Variants in ZIK1 observed in about 807,000 individuals in gnomAD.
ZIK1 encodes the protein zinc finger protein interacting with ribonucleoprotein K.
In ZIK1, 12 loss-of-function variants were observed where a neutral mutation model predicts 10.7. The observed-to-expected ratio is 1.12, with a 90% CI of 0.72 to 1.81. The LOEUF is 1.81. Ranked by LOEUF, ZIK1 falls within the 40% of genes most tolerant of loss-of-function variation. The probability of loss-of-function intolerance (pLI) is 0.00; values close to 1 mark genes in which losing one functional copy is unlikely to be tolerated. For missense variants in ZIK1, 497 were observed against 585.7 expected (o/e 0.85, Z 1.56); for synonymous variants, 190 against 205.0 (o/e 0.93, Z 0.63).
chr19:57,584,162 CA>C lies in ZIK1; in HGVS notation c.-194del. ...ATCACTTCAGTGGCGGTCATTTTTG[CA>C]GCGCTTGGGTGCATCCAGACCGTCA... On this transcript the variant is annotated 5_prime_UTR_variant, in exon 1 of 4. Coordinates refer to ENST00000597850, the MANE Select transcript of ZIK1 (RefSeq NM_001010879.4). The C allele has an allele frequency of 9.2e-7, 1 of 1,084,586 alleles. No individual in the cohort carries two copies. 67.2% of individuals were successfully genotyped at this position (1,084,586 alleles called of 1,614,324 possible). A position where few individuals can be genotyped will look rare whatever the true frequency, so the allele number is the denominator to read the frequency against.
At position 57,591,302 on chromosome 19, in the gene ZIK1, A is replaced by C; in HGVS notation, c.*27A>C. The C allele has an allele frequency of 1.3e-6, 2 of 1,570,446 alleles. No homozygotes were observed. Among genetic ancestry groups the C allele is most frequent in the Non-Finnish European group, 1.7e-6 (2 of 1,158,488 alleles). On this transcript the variant is annotated 3_prime_UTR_variant, in exon 4 of 4. Coordinates refer to ENST00000597850, the MANE Select transcript of ZIK1 (RefSeq NM_001010879.4). ...GGCCTCATGAATGCAGCAAATGTGG[A>C]AGCGCCTTCAACTCAAGATCTATCA...
In ZIK1 at chr19:57,590,546, G is replaced by A. The variant is rs759487053; in HGVS notation, c.735G>A (p.Gly245=). 6.2e-7 allele frequency: 1 copy of A among 1,614,066 alleles called. No homozygotes were observed. Among genetic ancestry groups the A allele is most frequent in the Non-Finnish European group, 8.5e-7 (1 of 1,180,044 alleles). The change falls in exon 4 of 4, where the codon GGG becomes GGA. Residue 245 remains glycine (G), a synonymous_variant. Transcript: ENST00000597850. ...AGCTTTATGAGTGTAGCAAATGTGG[G>A]AAAGCCTTCCGTGGCAAGTACTCAC... The part of the protein sequence containing the change: ...GKKLYECSKC[G]KAFRGKYSLV...
rs1030446035 is a variant in ZIK1 at position 57,589,671 on chromosome 19, G to T, written c.200-340G>T. ...TCAACCTTCTGCACAGCATGCAGGT[G>T]TCACCAGCAGACAAGGTCCTCCTGA... On this transcript the variant is annotated intron_variant, in intron 3 of 3. Coordinates refer to ENST00000597850, the MANE Select transcript of ZIK1 (RefSeq NM_001010879.4). 6.1e-6 allele frequency: 6 copies of T among 985,242 alleles called. No individual in the cohort carries two copies. The African/African-American group carries it at 1.0e-4, about 17-fold the overall frequency. 61.0% of individuals were successfully genotyped at this position (985,242 alleles called of 1,614,324 possible).
intron 2 of ZIK1, among the ~76,000 whole-genome samples, chr19:57,587,872 G>A (rs981454392): frequency 2.0e-5 from 3 of 152,108 alleles, no homozygotes; most frequent in Non-Finnish European, 4.4e-5. Flanking sequence ...GAGAGTCTGT[G>A]CCACTGAGGC....
At chr19:57,588,507 G>C (rs1235472248) in intron 2 of ZIK1, 32 bp from the exon 3 acceptor site, 2 of 1,404,390 alleles carry the variant, frequency 1.4e-6, no homozygotes, top group South Asian at 3.6e-5. Context: ...TGGAGGCGTT[G>C]ATTGTGGAGT....
In ZIK1 at chr19:57,588,623, C is replaced by T; in HGVS notation, c.157C>T (p.Leu53Phe). The change falls in exon 3 of 4, where the codon CTT becomes TTT. Residue 53 changes from leucine (L) to phenylalanine (F), a missense_variant. Transcript: ENST00000597850. ...TGATGAGGCTCAGAGACTCCTGTAC[C>T]TTGAAGTGATGCTGGAGAACTTTGC... is the stretch of plus-strand genomic sequence containing the variant. ...LLDEAQRLLY[L>F]EVMLENFALV... 6.3e-7 allele frequency: 1 copy of T among 1,586,140 alleles called. No individual in the cohort carries two copies. Among genetic ancestry groups the T allele is most frequent in the Non-Finnish European group, 8.6e-7 (1 of 1,163,826 alleles).
chr19:57,585,595 T>C (rs2059234996), intron 2 of ZIK1, among the ~76,000 whole-genome samples: 1 of 152,198 alleles, frequency 6.6e-6, no homozygotes, highest in South Asian at 2.1e-4. Flanking sequence ...TTTTCAGATT[T>C]TGAGGGTAAG....
intron 2 of ZIK1, among the ~76,000 whole-genome samples, chr19:57,585,341 T>C (rs908067904): frequency 3.3e-5 from 5 of 152,046 alleles, no homozygotes; most frequent in Admixed American, 6.5e-5. Flanking sequence ...TTTCTGGAGG[T>C]GATGAGAACA....
At chr19:57,588,010 G>C (rs2123421278) in intron 2 of ZIK1, among the ~76,000 whole-genome samples, 1 of 152,264 alleles carries the variant, frequency 6.6e-6, no homozygotes, top group South Asian at 2.1e-4. Context: ...GGCTGAGGTT[G>C]AAGCAAGGAA....
chr19:57,589,486 C>T (rs1357518433), intron 3 of ZIK1: 2 of 985,304 alleles, frequency 2.0e-6, no homozygotes, highest in East Asian at 2.3e-4. Context: ...TTCTGATCTT[C>T]ATGCATCATC....
rs1221513694 is a variant in ZIK1, at chr19:57,585,374, C to T, written c.72+384C>T. Among the ~76,000 whole-genome samples the T allele has an allele frequency of 2.0e-5, 3 of 152,062 alleles. No individual in the cohort carries two copies. In the South Asian group the frequency reaches 6.2e-4, roughly 32 times the overall value. On this transcript the variant is annotated intron_variant, in intron 2 of 3. Transcript: ENST00000597850. ...ACAATGGGAGGTTTAGAGAAGAGAACGGAGGTTATCTGACACTGGTCTCAT... is the reference window on the plus strand; with the variant it reads ...ACAATGGGAGGTTTAGAGAAGAGAATGGAGGTTATCTGACACTGGTCTCAT...
chr19:57,586,298 C>T (rs1043590050), intron 2 of ZIK1, among the ~76,000 whole-genome samples: 1 of 152,028 alleles, frequency 6.6e-6, no homozygotes, highest in African/African-American at 2.4e-5. Flanking sequence ...TGTGGTGGCT[C>T]ACACCTGTAA....
rs916654073 is a variant in ZIK1 at position 57,593,275 on chromosome 19, C to T, written c.*2000C>T. The T allele has an allele frequency of 2.6e-5, 4 of 151,904 alleles. No individual in the cohort carries two copies. The highest frequency in any genetic ancestry group is 6.6e-5 in the Admixed American group (1 of 15,216). 9.4% of individuals were successfully genotyped at this position (151,904 alleles called of 1,614,324 possible). On this transcript the variant is annotated 3_prime_UTR_variant, in exon 4 of 4. Transcript: ENST00000597850. ...CAGGATGGTCTTGATCTCTTGACCTCGTGATCCGCCCGCCTCAGCCTCCCG... is the reference window on the plus strand; with the variant it reads ...CAGGATGGTCTTGATCTCTTGACCTTGTGATCCGCCCGCCTCAGCCTCCCG...
chr19:57,585,809 A>G (rs1979098259), intron 2 of ZIK1, among the ~76,000 whole-genome samples: 1 of 151,936 alleles, frequency 6.6e-6, no homozygotes, highest in South Asian at 2.1e-4. Flanking sequence ...CCCGGGTTCA[A>G]GCAATCCTCC....
At chr19:57,584,891 A>T (rs979907766) in intron 1 of ZIK1, 61 bp from the exon 2 acceptor site, 1 of 1,578,038 alleles carries the variant, frequency 6.3e-7, no homozygotes, top group Non-Finnish European at 8.6e-7. Flanking sequence ...AATCCAGGGA[A>T]GCCTGAATCC....
rs1419977879 is a variant in ZIK1 at position 57,592,776 on chromosome 19, A to C, written c.*1501A>C. Reference sequence around the variant, plus strand: ...CTTTATTGTGAAACATGTTTTACAAACTTTCTTGATGTGTAAGTGACATGC... The same window carrying C: ...CTTTATTGTGAAACATGTTTTACAACCTTTCTTGATGTGTAAGTGACATGC... On this transcript the variant is annotated 3_prime_UTR_variant, in exon 4 of 4. Coordinates refer to ENST00000597850, the MANE Select transcript of ZIK1 (RefSeq NM_001010879.4). 1 of 152,184 alleles carries C rather than the reference A, an allele frequency of 6.6e-6. No homozygotes were observed. Among genetic ancestry groups the C allele is most frequent in the African/African-American group, 2.4e-5 (1 of 41,420 alleles). 9.4% of individuals were successfully genotyped at this position (152,184 alleles called of 1,614,324 possible).
At chr19:57,585,757 G>A (rs1489397298) in intron 2 of ZIK1, among the ~76,000 whole-genome samples, 1 of 152,092 alleles carries the variant, frequency 6.6e-6, no homozygotes, top group Admixed American at 6.5e-5. Flanking sequence ...CACTCAGGCT[G>A]GAGTGCAGTG....
rs1979822758 is a variant in ZIK1 at position 57,592,933 on chromosome 19, G to A, written c.*1658G>A. ...TTACAATCTCTGCGTGTACTTTCCA[G>A]GCCTTCAGGAGTCCTGTCATTTACT... On this transcript the variant is annotated 3_prime_UTR_variant, in exon 4 of 4. Transcript: ENST00000597850. The A allele has an allele frequency of 6.6e-6, 1 of 152,020 alleles. No homozygotes were observed. The highest frequency in any genetic ancestry group is 1.5e-5 in the Non-Finnish European group (1 of 67,994). The allele number at this position is 152,020 out of a possible 1,614,324, so 9.4% of individuals were successfully genotyped here.
In ZIK1 at chr19:57,590,115, T is replaced by C. The variant is rs779545320; in HGVS notation, c.304T>C (p.Cys102Arg). ...TTCATCCACACAGAAGACTCAATCC[T>C]GTGAGATGTGTGTCCCAGTCCTGAA... ...AGSSTQKTQS[C>R]EMCVPVLKDI... is the part of the protein sequence containing the mutation. Residue 102 changes from cysteine (C) to arginine (R), a missense_variant, in exon 4 of 4, where the codon TGT becomes CGT. Coordinates refer to ENST00000597850, the MANE Select transcript of ZIK1 (RefSeq NM_001010879.4). The C allele has an allele frequency of 6.8e-6, 11 of 1,614,100 alleles. No individual in the cohort carries two copies. Among genetic ancestry groups the C allele is most frequent in the Non-Finnish European group, 6.8e-6 (8 of 1,180,032 alleles).
Sources: allele counts gnomAD v4.1 joint callset (sites outside exome capture counted in the v4.1 genomes callset), GRCh38; gene constraint gnomAD v4.1.1; transcripts MANE v1.5; gene names NCBI Gene and HGNC (gene_info 2026-07-23, HGNC 2026-07-21).